Variants in ARHGEF10L observed in about 807,000 individuals in gnomAD.
ARHGEF10L encodes the protein Rho guanine nucleotide exchange factor 10 like, also known as rho guanine nucleotide exchange factor 10-like protein.
ARHGEF10L carries 69 observed loss-of-function variants against 141.2 expected under a neutral mutation model. The observed-to-expected ratio is 0.49, with a 90% confidence interval of 0.40 to 0.60. The LOEUF is 0.60. ARHGEF10L is among the 20% of genes least tolerant of loss of function. The pLI is 0.00. For synonymous variants in ARHGEF10L, 711 were observed against 718.5 expected (o/e 0.99, Z 0.17); for missense variants, 1,482 against 1,734.3 (o/e 0.85, Z 2.58).
At chr1:17,676,109 C>T (rs76084420) in intron 26 of ARHGEF10L, among the ~76,000 whole-genome samples, 51 of 48,726 alleles carry the variant, frequency 1.0e-3, no homozygotes, top group African/African-American at 2.1e-3. Flanking sequence ...TGCAGGTGTA[C>T]GTGCAGGCAT....
chr1:17,652,591 G>C (rs1370329977), intron 22 of ARHGEF10L, among the ~76,000 whole-genome samples: 1 of 152,174 alleles, frequency 6.6e-6, no homozygotes, highest in Non-Finnish European at 1.5e-5. Context: ...GGACACCGGA[G>C]TCTATTCTGT....
chr1:17,662,301 G>A (rs2062679777), intron 25 of ARHGEF10L, among the ~76,000 whole-genome samples: 1 of 152,222 alleles, frequency 6.6e-6, no homozygotes, highest in South Asian at 2.1e-4. Context: ...CCCTGACTGT[G>A]TGCCCAGATA....
rs762567142 is a variant in ARHGEF10L at position 17,697,167 on chromosome 1, C to T, written c.3627C>T (p.Ser1209=). The T allele has an allele frequency of 1.9e-6, 3 of 1,612,036 alleles. No homozygotes were observed. The South Asian group carries it at 3.3e-5, about 18-fold the overall frequency. ...TGGAGCACAGCGAGGAGGACGGCTC[C>T]ATTTACGAGATGGCCGACGACCCCG... The part of the protein sequence containing the change: ...AALEHSEEDG[S]IYEMADDPDI... Residue 1209 remains serine, a synonymous_variant, in exon 29 of 29, where the codon TCC becomes TCT. Coordinates refer to ENST00000361221, the MANE Select transcript of ARHGEF10L (RefSeq NM_018125.4). This position sits in a 1 kb window ranked among gnomAD's most constrained non-coding sequence, Gnocchi z 4.8.
chr1:17,524,162 A>G, the ARHGEF10L span, among the ~76,000 whole-genome samples: 1 of 152,024 alleles, frequency 6.6e-6, no homozygotes, highest in African/African-American at 2.4e-5. Flanking sequence ...AGTTCCAGCT[A>G]CTCAAGAGGC....
intron 7 of ARHGEF10L, among the ~76,000 whole-genome samples, chr1:17,609,778 G>T (rs1182432180): frequency 6.6e-6 from 1 of 152,180 alleles, no homozygotes; most frequent in Non-Finnish European, 1.5e-5. Context: ...CAGGACAGGT[G>T]ATCCAGGCTG....
intron 1 of ARHGEF10L, among the ~76,000 whole-genome samples, chr1:17,565,537 C>T (rs2100258064): frequency 6.6e-6 from 1 of 152,344 alleles, no homozygotes; most frequent in East Asian, 1.9e-4. Context: ...TCAGGAGTTT[C>T]TGCAGCCCCC....
intron 1 of ARHGEF10L, among the ~76,000 whole-genome samples, chr1:17,554,118 C>G (rs1391773376): frequency 2.0e-5 from 3 of 152,204 alleles, no homozygotes; most frequent in African/African-American, 7.2e-5. Context: ...TTGGAGCTCT[C>G]TGCAAAACCC....
At chr1:17,528,366 C>T in the ARHGEF10L span, among the ~76,000 whole-genome samples, 3 of 152,104 alleles carry the variant, frequency 2.0e-5, no homozygotes, top group African/African-American at 7.2e-5. Context: ...AGGCATACAC[C>T]ACTATGCCTG....
chr1:17,685,207 C>T (rs1293942459), intron 26 of ARHGEF10L, among the ~76,000 whole-genome samples: 1 of 152,246 alleles, frequency 6.6e-6, no homozygotes, highest in East Asian at 1.9e-4. Flanking sequence ...ACACTGTTGT[C>T]AGACTGAGCT....
chr1:17,555,107 T>C (rs2077258286), intron 1 of ARHGEF10L, among the ~76,000 whole-genome samples: 1 of 152,218 alleles, frequency 6.6e-6, no homozygotes, highest in Non-Finnish European at 1.5e-5. Flanking sequence ...TTACTCCTCT[T>C]AGCCTCCAAG....
At chr1:17,646,606 C>T (rs538721367) in intron 21 of ARHGEF10L, among the ~76,000 whole-genome samples, 52 of 152,150 alleles carry the variant, frequency 3.4e-4, no homozygotes, top group African/African-American at 1.1e-3. Flanking sequence ...GTGCACACAA[C>T]GAAGAAGAGC....
chr1:17,596,194 G>A (rs972360332), intron 4 of ARHGEF10L, among the ~76,000 whole-genome samples: 3 of 152,226 alleles, frequency 2.0e-5, no homozygotes, highest in African/African-American at 7.2e-5. Flanking sequence ...GACTCTAGTG[G>A]GCCGCCAAGC....
chr1:17,576,235 G>C (rs911736629), intron 1 of ARHGEF10L, among the ~76,000 whole-genome samples: 1 of 152,132 alleles, frequency 6.6e-6, no homozygotes, highest in Non-Finnish European at 1.5e-5. Context: ...TTTCCTAGTG[G>C]GGCCTCTGGG....
chr1:17,605,487 C>T (rs567969855), intron 6 of ARHGEF10L, among the ~76,000 whole-genome samples: 1 of 152,166 alleles, frequency 6.6e-6, no homozygotes, highest in Non-Finnish European at 1.5e-5. Context: ...AGTTGGCCCT[C>T]GGGCTGCACA....
intron 1 of ARHGEF10L, among the ~76,000 whole-genome samples, chr1:17,541,953 G>A (rs1419696717): frequency 1.3e-5 from 2 of 151,784 alleles, no homozygotes; most frequent in Non-Finnish European, 1.5e-5. Context: ...GGTGACAAGA[G>A]TGAAACTCCA....
chr1:17,607,515 A>G lies in ARHGEF10L; in HGVS notation c.434-287A>G, dbSNP rs908463283. The stretch of plus-strand genomic sequence containing the variant: ...AAGGAGGCTCACAATGAGCGCTGAG[A>G]CCATACAAAAGCAGTGCTGGGAGCA... On this transcript the variant is annotated intron_variant, in intron 6 of 28. Coordinates refer to ENST00000361221, the MANE Select transcript of ARHGEF10L (RefSeq NM_018125.4). The surrounding 1 kb of genome is among the most constrained non-coding windows in gnomAD (Gnocchi z 4.5). Among the ~76,000 whole-genome samples the G allele has an allele frequency of 1.8e-4, 27 of 152,192 alleles. No homozygotes were observed. The highest frequency in any genetic ancestry group is 5.3e-4 in the African/African-American group (22 of 41,460).
rs1034409043 is a variant in ARHGEF10L at position 17,656,451 on chromosome 1, AG to A, written c.2706-99del. 135 of 1,399,968 alleles carry A rather than the reference AG, an allele frequency of 9.6e-5. No individual in the cohort carries two copies. Among genetic ancestry groups the A allele is most frequent in the Non-Finnish European group, 1.3e-4 (134 of 1,024,424 alleles). The allele number at this position is 1,399,968 out of a possible 1,614,324, so 86.7% of individuals were successfully genotyped here. A position where few individuals can be genotyped will look rare whatever the true frequency, so the allele number is the denominator to read the frequency against. Reference sequence around the variant, plus strand: ...CACACAGCCGAAAGGCGTGGCTGAGAGGGGTCAGCTCCCTGGGGCCCTCTCC... The same window carrying A: ...CACACAGCCGAAAGGCGTGGCTGAGAGGGTCAGCTCCCTGGGGCCCTCTCC... On this transcript the variant is annotated intron_variant, in intron 24 of 28. Coordinates refer to ENST00000361221, the MANE Select transcript of ARHGEF10L (RefSeq NM_018125.4). This position sits in a 1 kb window ranked among gnomAD's most constrained non-coding sequence, Gnocchi z 4.9.
At chr1:17,597,156 C>T (rs1012396225) in intron 4 of ARHGEF10L, among the ~76,000 whole-genome samples, 1 of 152,166 alleles carries the variant, frequency 6.6e-6, no homozygotes, top group Non-Finnish European at 1.5e-5. Context: ...TGCCCCTCAC[C>T]ATGGATTCAG....
intron 6 of ARHGEF10L, among the ~76,000 whole-genome samples, chr1:17,604,212 G>A (rs778353883): frequency 6.7e-6 from 1 of 148,422 alleles, no homozygotes; most frequent in Non-Finnish European, 1.5e-5. Flanking sequence ...ACAAGGGAAC[G>A]GCAGAGGCAG....
Sources: gnomAD v4.1 joint callset for allele counts (sites outside exome capture counted in the v4.1 genomes callset) on GRCh38, gnomAD v4.1.1 for gene constraint, Gnocchi (gnomAD v3.1) non-coding constraint, MANE v1.5 for transcripts, NCBI Gene and HGNC (gene_info 2026-07-23, HGNC 2026-07-21) for gene names.